KCNH1: variants seen among roughly 807,000 people sequenced by gnomAD.
KCNH1 encodes voltage-gated delayed rectifier potassium channel KCNH1.
A neutral mutation model predicts 69.2 loss-of-function variants in KCNH1; 27 were observed. The observed-to-expected ratio is 0.39, with a 90% CI of 0.29 to 0.54. The LOEUF (loss-of-function observed/expected upper bound fraction) is 0.54. Ranked by LOEUF, KCNH1 falls within the 20% of genes least tolerant of loss-of-function variation. The probability of loss-of-function intolerance (pLI) is 0.68; values close to 1 mark genes in which losing one functional copy is unlikely to be tolerated. For synonymous variants in KCNH1, 456 were observed against 487.7 expected, an observed-to-expected ratio of 0.93 and a Z score of 0.86; for missense variants, 798 against 1,261.6, an observed-to-expected ratio of 0.63 and a Z score of 5.57.
At position 210,686,777 on chromosome 1, in the gene KCNH1, ATATCT is replaced by A. The variant is rs1391500309; in HGVS notation, c.2113-2644_2113-2640del. ...TAAGCAACAATTCCTGAACACAAAC[ATATCT>A]TATCCCCCTAAAAGGTCCCTGAGGG... is the stretch of plus-strand genomic sequence containing the variant. On this transcript the variant is annotated intron_variant, in intron 10 of 10. Coordinates refer to ENST00000271751, the MANE Select transcript of KCNH1 (RefSeq NM_172362.3). Among the ~76,000 whole-genome samples, 6 of 152,362 alleles carry A rather than the reference ATATCT, an allele frequency of 3.9e-5. No individual in the cohort carries two copies. The East Asian group carries it at 9.6e-4, about 25-fold the overall frequency.
At chr1:211,000,606 C>G (rs1689156783) in intron 6 of KCNH1, among the ~76,000 whole-genome samples, 1 of 152,118 alleles carries the variant, frequency 6.6e-6, no homozygotes, top group African/African-American at 2.4e-5. Context: ...TTTATAGATT[C>G]AATGCCATCC....
intron 10 of KCNH1, among the ~76,000 whole-genome samples, chr1:210,707,858 A>G (rs371939235): frequency 2.6e-5 from 4 of 152,090 alleles, no homozygotes; most frequent in Non-Finnish European, 4.4e-5. Flanking sequence ...CTCCCTCCCA[A>G]TTCATCTGAG....
chr1:211,080,848 T>C (rs1291776159), intron 5 of KCNH1, among the ~76,000 whole-genome samples: 1 of 152,178 alleles, frequency 6.6e-6, no homozygotes, highest in African/African-American at 2.4e-5. Context: ...ATGTGAGAAC[T>C]AAAACCATAA....
chr1:210,818,459 T>C (rs1315573041), intron 7 of KCNH1, among the ~76,000 whole-genome samples: 1 of 152,226 alleles, frequency 6.6e-6, no homozygotes, highest in Non-Finnish European at 1.5e-5. Flanking sequence ...TCACGCTGAC[T>C]ATCCCGACCC....
intron 7 of KCNH1, among the ~76,000 whole-genome samples, chr1:210,815,667 A>C (rs1684799171): frequency 6.6e-6 from 1 of 152,194 alleles, no homozygotes; most frequent in Non-Finnish European, 1.5e-5. Context: ...TTAGAGACTG[A>C]ACCATGTCCA....
intron 10 of KCNH1, among the ~76,000 whole-genome samples, chr1:210,714,511 TGAACACAACGG>T (rs1682172314): frequency 1.3e-5 from 2 of 152,188 alleles, no homozygotes; most frequent in African/African-American, 4.8e-5. Flanking sequence ...TGTGGAGGAC[TGAACACAACGG>T]TACGTGCAAT....
At chr1:210,691,345 T>C (rs921787871) in intron 10 of KCNH1, among the ~76,000 whole-genome samples, 1 of 152,210 alleles carries the variant, frequency 6.6e-6, no homozygotes, top group Non-Finnish European at 1.5e-5. Context: ...AGAGCTCTAA[T>C]GTGCCAGGCG....
At chr1:210,716,827 T>G (rs1682266342) in intron 10 of KCNH1, among the ~76,000 whole-genome samples, 1 of 152,122 alleles carries the variant, frequency 6.6e-6, no homozygotes, top group Non-Finnish European at 1.5e-5. Flanking sequence ...GGCATACACT[T>G]ATAGATAATC....
At chr1:210,983,844 T>C (rs1187992580) in intron 6 of KCNH1, among the ~76,000 whole-genome samples, 3 of 152,210 alleles carry the variant, frequency 2.0e-5, no homozygotes, top group Non-Finnish European at 1.5e-5. Flanking sequence ...TGGCATTCAA[T>C]CTATAAATTA....
At chr1:210,720,276 C>G (rs981729139) in intron 10 of KCNH1, among the ~76,000 whole-genome samples, 1 of 152,016 alleles carries the variant, frequency 6.6e-6, no homozygotes, top group Non-Finnish European at 1.5e-5. Context: ...GGTATGGGAA[C>G]GGGAATTGAG....
At chr1:211,069,921 T>C (rs1171828194) in intron 5 of KCNH1, among the ~76,000 whole-genome samples, 1 of 152,222 alleles carries the variant, frequency 6.6e-6, no homozygotes, top group Non-Finnish European at 1.5e-5. Flanking sequence ...TGATAAAATG[T>C]TCCCTAAAAC....
chr1:210,945,380 G>A (rs1687939868), intron 6 of KCNH1, among the ~76,000 whole-genome samples: 1 of 152,058 alleles, frequency 6.6e-6, no homozygotes, highest in African/African-American at 2.4e-5. Flanking sequence ...GGAACTACAC[G>A]TATCTCCATT....
chr1:210,908,519 C>T (rs545735646), intron 7 of KCNH1, among the ~76,000 whole-genome samples: 21 of 152,122 alleles, frequency 1.4e-4, no homozygotes, highest in Non-Finnish European at 2.4e-4. Context: ...GCTTGCAAGA[C>T]GGGGCTGGAT....
At chr1:210,958,729 A>G (rs1688233104) in intron 6 of KCNH1, among the ~76,000 whole-genome samples, 1 of 152,186 alleles carries the variant, frequency 6.6e-6, no homozygotes, top group Admixed American at 6.6e-5. Context: ...CATGCATCAC[A>G]AAGTTCTCCT....
intron 10 of KCNH1, among the ~76,000 whole-genome samples, chr1:210,706,345 G>A (rs1368790094): frequency 6.6e-6 from 1 of 152,220 alleles, no homozygotes; most frequent in Non-Finnish European, 1.5e-5. Flanking sequence ...ATTGATATGT[G>A]CAGGGGATGC....
At chr1:210,701,983 T>TATC (rs1405296786) in intron 10 of KCNH1, among the ~76,000 whole-genome samples, 1 of 152,236 alleles carries the variant, frequency 6.6e-6, no homozygotes, top group African/African-American at 2.4e-5. Flanking sequence ...AAATATTTTT[T>TATC]ATCTTCACAC....
intron 3 of KCNH1, 24 bp from the exon 4 acceptor site, chr1:211,090,714 G>A: frequency 1.3e-6 from 2 of 1,590,678 alleles, no homozygotes; most frequent in Non-Finnish European, 8.5e-7. Flanking sequence ...CAAAAGGTTG[G>A]TCAGTAATTT....
At chr1:210,743,283 T>A (rs1683078712) in intron 10 of KCNH1, among the ~76,000 whole-genome samples, 1 of 152,082 alleles carries the variant, frequency 6.6e-6, no homozygotes, top group African/African-American at 2.4e-5. Flanking sequence ...AGTCCGAGTG[T>A]CCTGAAAGAG....
chr1:211,015,370 T>C (rs922656808), intron 6 of KCNH1, among the ~76,000 whole-genome samples: 2 of 152,354 alleles, frequency 1.3e-5, no homozygotes, highest in East Asian at 1.9e-4. Context: ...GATTATATGA[T>C]ATGTTATTCC....
Sources: allele counts gnomAD v4.1 joint callset (sites outside exome capture counted in the v4.1 genomes callset), GRCh38; gene constraint gnomAD v4.1.1; transcripts MANE v1.5; gene names NCBI Gene and HGNC (gene_info 2026-07-23, HGNC 2026-07-21).